GDE1: variants seen among roughly 807,000 people sequenced by gnomAD.
The protein encoded by GDE1 is glycerophosphodiester phosphodiesterase 1.
GDE1 carries 24 observed loss-of-function variants against 32.2 expected under a neutral mutation model. The ratio of observed to expected loss-of-function variants is 0.75; its 90% CI spans 0.54 to 1.05. GDE1 has a LOEUF of 1.05. Among genes scored for constraint, GDE1 ranks in the 50% least tolerant of loss-of-function variants. GDE1 has a pLI of 0.00. For missense variants in GDE1, 380 were observed against 415.0 expected (o/e 0.92, Z 0.73); for synonymous variants, 159 against 158.6 (o/e 1.00, Z -0.02).
chr16:19,505,374 A>G (rs1028048252), intron 4 of GDE1, among the ~76,000 whole-genome samples: 10 of 152,254 alleles, frequency 6.6e-5, no homozygotes, highest in Non-Finnish European at 5.9e-5. Context: ...TCAAATTTTA[A>G]TAATGTCATG....
intron 1 of GDE1, among the ~76,000 whole-genome samples, chr16:19,519,449 C>CATATATATATAT (rs111659244): frequency 2.7e-4 from 40 of 146,934 alleles, no homozygotes; most frequent in Middle Eastern, 3.6e-3. Flanking sequence ...TGTGTATGTG[C>CATATATATATAT]ATATATATAT....
chr16:19,509,640 T>C (rs1281277546), intron 3 of GDE1, among the ~76,000 whole-genome samples: 1 of 151,150 alleles, frequency 6.6e-6, no homozygotes, highest in Non-Finnish European at 1.5e-5. Context: ...TTAGAGTGTA[T>C]ACTTAGGCTC....
At chr16:19,519,449 CATATAT>C (rs111659244) in intron 1 of GDE1, among the ~76,000 whole-genome samples, 15,590 of 146,408 alleles carry the variant, frequency 0.11, 916 homozygotes, top group African/African-American at 0.16. Context: ...TGTGTATGTG[CATATAT>C]ATATATATAT....
intron 1 of GDE1, chr16:19,521,378 T>G: frequency 3.9e-5 from 12 of 305,160 alleles, no homozygotes; most frequent in East Asian, 5.3e-5. Flanking sequence ...AGTTATCTCA[T>G]TTATGTGTTT....
intron 2 of GDE1, among the ~76,000 whole-genome samples, chr16:19,514,738 C>T (rs1242514142): frequency 6.6e-6 from 1 of 152,038 alleles, no homozygotes; most frequent in African/African-American, 2.4e-5. Context: ...AATTCAACTG[C>T]ATTATTTCAA....
Position 19,517,100 on chromosome 16 carries a change from A to G in GDE1, c.351T>C (p.Asp117=), listed in dbSNP as rs151043188. 105 of 1,613,916 alleles carry G rather than the reference A, an allele frequency of 6.5e-5. No individual in the cohort carries two copies. The African/African-American group carries it at 1.3e-3, about 19-fold the overall frequency. The change falls in exon 2 of 6, where the codon GAT becomes GAC. Residue 117 remains aspartate (D), a synonymous_variant. Transcript: ENST00000353258. ...ATCGCCCAGTCCCATCAGTCGTCCT[A>G]TCTACTGTGTTATCGTGCATTAAGA... is the stretch of plus-strand genomic sequence containing the variant. ...IPVLMHDNTV[D]RTTDGTGRLC...
At chr16:19,514,976 G>GA (rs1969361896) in intron 2 of GDE1, among the ~76,000 whole-genome samples, 3 of 146,260 alleles carry the variant, frequency 2.1e-5, no homozygotes, top group Non-Finnish European at 4.4e-5. Flanking sequence ...TGAGGCAGGA[G>GA]AATCACTTGA....
intron 4 of GDE1, among the ~76,000 whole-genome samples, chr16:19,506,428 T>C (rs1969247695): frequency 1.3e-5 from 2 of 152,068 alleles, no homozygotes; most frequent in African/African-American, 2.4e-5. Context: ...GGCAGGCAGA[T>C]CACCTGAGGT....
rs972523456 is a variant in GDE1 at position 19,503,416 on chromosome 16, C to G, written c.*54G>C. 1 of 1,534,110 alleles carries G rather than the reference C, an allele frequency of 6.5e-7. No homozygotes were observed. Among genetic ancestry groups the G allele is most frequent in the Non-Finnish European group, 9.0e-7 (1 of 1,114,786 alleles). On this transcript the variant is annotated 3_prime_UTR_variant, in exon 6 of 6. Transcript: ENST00000353258. Reference sequence around the variant, plus strand: ...GCTAGCACAAAGGGTATTTTGATATCCCTGTATGAGGCCCCTGGCAGTTTC... The same window carrying G: ...GCTAGCACAAAGGGTATTTTGATATGCCTGTATGAGGCCCCTGGCAGTTTC...
chr16:19,521,734 C>G lies in GDE1; in HGVS notation c.231G>C (p.Ala77=). ...GAATGGCCGCCAGCGTGTTCTCGGG[C>G]GCGTCGTGGCTGCCGCCACGGTGGG... is the stretch of plus-strand genomic sequence containing the variant. ...AIAHRGGSHD[A]PENTLAAIRQ... Residue 77 remains alanine (A), a synonymous_variant, in exon 1 of 6, where the codon GCG becomes GCC. Transcript: ENST00000353258. 6.2e-7 allele frequency: 1 copy of G among 1,612,098 alleles called. No homozygotes were observed. The highest frequency in any genetic ancestry group is 1.1e-5 in the South Asian group (1 of 90,766).
intron 1 of GDE1, 151 bp downstream of exon 1, chr16:19,521,553 G>A (rs1308544680): frequency 1.3e-6 from 1 of 781,910 alleles, no homozygotes; most frequent in Non-Finnish European, 2.0e-6. Context: ...GAGATCCCTA[G>A]ACACTGGGAG....
Position 19,503,200 on chromosome 16 carries a change from CT to C in GDE1, c.*269del, listed in dbSNP as rs1969200464. On this transcript the variant is annotated 3_prime_UTR_variant, in exon 6 of 6. Coordinates refer to ENST00000353258, the MANE Select transcript of GDE1 (RefSeq NM_016641.4). ...CTGTGCTTATCCTCACTGGGTCTCCCTGTGTGCCTCAGCTAGGGCAGGGCAG... is the reference window on the plus strand; with the variant it reads ...CTGTGCTTATCCTCACTGGGTCTCCCGTGTGCCTCAGCTAGGGCAGGGCAG... The C allele has an allele frequency of 6.6e-6, 3 of 454,236 alleles. No individual in the cohort carries two copies. Among genetic ancestry groups the C allele is most frequent in the Non-Finnish European group, 1.2e-5 (3 of 250,238 alleles). The allele number at this position is 454,236 out of a possible 1,614,324, so 28.1% of individuals were successfully genotyped here. A position where few individuals can be genotyped will look rare whatever the true frequency, so the allele number is the denominator to read the frequency against.
rs2151451288 is a variant in GDE1 at position 19,521,943 on chromosome 16, C to T, written c.22G>A (p.Gly8Ser). The T allele has an allele frequency of 1.3e-6, 2 of 1,565,090 alleles. No homozygotes were observed. The highest frequency in any genetic ancestry group is 1.3e-5 in the African/African-American group (1 of 74,136). Reference protein sequence around the residue: MWLWEDQGGLLGPFSFLL... With the variant: MWLWEDQSGLLGPFSFLL... ...AAGGAGAAAGGGCCCAGGAGGCCGCCCTGGTCCTCCCACAGCCACATGCCG... is the reference window on the plus strand; with the variant it reads ...AAGGAGAAAGGGCCCAGGAGGCCGCTCTGGTCCTCCCACAGCCACATGCCG... Residue 8 changes from glycine to serine, a missense_variant, in exon 1 of 6, where the codon GGC (glycine) becomes AGC (serine). Coordinates refer to ENST00000353258, the MANE Select transcript of GDE1 (RefSeq NM_016641.4).
Position 19,505,002 on chromosome 16 carries a change from T to C in GDE1, c.727A>G (p.Thr243Ala), listed in dbSNP as rs773096688. 10 of 1,612,742 alleles carry C rather than the reference T, an allele frequency of 6.2e-6. No homozygotes were observed. The highest frequency in any genetic ancestry group is 2.2e-5 in the South Asian group (2 of 91,052). The change falls in exon 5 of 6, where the codon ACT (threonine) becomes GCT (alanine). Residue 243 changes from threonine to alanine, a missense_variant. Physicochemically the swap from Thr to Ala is moderately conservative, Grantham distance 58. Transcript: ENST00000353258. The part of the protein sequence containing the change: ...HTGDGKPRYD[T>A]FWKHFIFVMM... Reference sequence around the variant, plus strand: ...ACAAATATAAAATGTTTCCAGAAAGTATCATAGCGTGGTTTCCCATCTCCT... The same window carrying C: ...ACAAATATAAAATGTTTCCAGAAAGCATCATAGCGTGGTTTCCCATCTCCT...
At chr16:19,505,567 G>T (rs1294876557) in intron 4 of GDE1, among the ~76,000 whole-genome samples, 1 of 152,128 alleles carries the variant, frequency 6.6e-6, no homozygotes, top group Non-Finnish European at 1.5e-5. Context: ...GGAAGGGAGA[G>T]AAGGGATTGT....
intron 4 of GDE1, among the ~76,000 whole-genome samples, chr16:19,507,305 G>C (rs1026536939): frequency 6.6e-6 from 1 of 152,032 alleles, no homozygotes; most frequent in African/African-American, 2.4e-5. Flanking sequence ...ACAGTTAAAG[G>C]GGGGGTACAC....
intron 1 of GDE1, among the ~76,000 whole-genome samples, chr16:19,517,899 T>C (rs1969401703): frequency 6.6e-6 from 1 of 151,956 alleles, no homozygotes; most frequent in Non-Finnish European, 1.5e-5. Flanking sequence ...CTTTTTTTTT[T>C]TTTTTGGAGA....
chr16:19,515,058 C>T (rs1969363099), intron 2 of GDE1, among the ~76,000 whole-genome samples: 1 of 98,180 alleles, frequency 1.0e-5, no homozygotes, highest in African/African-American at 3.8e-5. Flanking sequence ...AAGAGTGAAA[C>T]TCCAACTCAA....
chr16:19,510,719 A>G (rs1969306798), intron 3 of GDE1, 120 bp downstream of exon 3: 1 of 476,154 alleles, frequency 2.1e-6, no homozygotes. Flanking sequence ...TTAAACAAAT[A>G]CAATTTATAA....
Sources: allele counts gnomAD v4.1 joint callset (sites outside exome capture counted in the v4.1 genomes callset), GRCh38; gene constraint gnomAD v4.1.1; transcripts MANE v1.5; gene names NCBI Gene and HGNC (gene_info 2026-07-23, HGNC 2026-07-21).